The following PLCL2 variants were observed in gnomAD, a reference collection of about 807,000 sequenced individuals.
The protein encoded by PLCL2 is inactive phospholipase C-like protein 2.
A neutral mutation model predicts 79.6 loss-of-function variants in PLCL2; 4 were observed. That is an observed-to-expected ratio of 0.05 (90% CI 0.02 to 0.11). PLCL2 has a LOEUF of 0.11. Among genes scored for constraint, PLCL2 ranks in the 10% least tolerant of loss-of-function variants. The probability of loss-of-function intolerance (pLI) is 1.00; values close to 1 mark genes in which losing one functional copy is unlikely to be tolerated. For missense variants in PLCL2, 895 were observed against 1,291.0 expected (o/e 0.69, Z 4.70); for synonymous variants, 484 against 457.7 (o/e 1.06, Z -0.73).
chr3:16,941,534 G>T (rs893304584), intron 1 of PLCL2, among the ~76,000 whole-genome samples: 2 of 152,156 alleles, frequency 1.3e-5, no homozygotes, highest in Admixed American at 1.3e-4. Context: ...TATGTGCTGT[G>T]AAAATATCCA....
intron 1 of PLCL2, among the ~76,000 whole-genome samples, chr3:16,961,991 G>A (rs1046823298): frequency 6.6e-6 from 1 of 152,112 alleles, no homozygotes; most frequent in Non-Finnish European, 1.5e-5. Flanking sequence ...CTCAGCTCCT[G>A]CCGGGAGGAA....
At chr3:16,957,590 C>A (rs985599482) in intron 1 of PLCL2, among the ~76,000 whole-genome samples, 2 of 152,066 alleles carry the variant, frequency 1.3e-5, no homozygotes, top group Non-Finnish European at 2.9e-5. Context: ...TCCTTGTTAA[C>A]TTTCTGTCTC....
At chr3:16,925,427 A>AT (rs1449806732) in intron 1 of PLCL2, among the ~76,000 whole-genome samples, 2 of 152,036 alleles carry the variant, frequency 1.3e-5, no homozygotes, top group Admixed American at 6.5e-5. Context: ...CATACAATCT[A>AT]TTTTTTAAGG....
intron 1 of PLCL2, among the ~76,000 whole-genome samples, chr3:16,897,711 T>G (rs1696516274): frequency 1.3e-5 from 2 of 152,244 alleles, no homozygotes; most frequent in Non-Finnish European, 2.9e-5. Flanking sequence ...GAGGGTGGGC[T>G]GACATCTGGG....
At chr3:17,000,745 G>A (rs2064200833) in intron 1 of PLCL2, among the ~76,000 whole-genome samples, 1 of 152,028 alleles carries the variant, frequency 6.6e-6, no homozygotes, top group African/African-American at 2.4e-5. Flanking sequence ...TGCTGCAAAT[G>A]ACAGTATTTT....
At chr3:16,987,312 C>T (rs764486542) in intron 1 of PLCL2, among the ~76,000 whole-genome samples, 6 of 152,064 alleles carry the variant, frequency 3.9e-5, no homozygotes, top group Non-Finnish European at 7.3e-5. Context: ...AGAGCAGGCA[C>T]AGCAGCCCCT....
chr3:16,987,428 G>T (rs540233132), intron 1 of PLCL2, among the ~76,000 whole-genome samples: 2 of 152,224 alleles, frequency 1.3e-5, no homozygotes, highest in East Asian at 3.9e-4. Context: ...TTTACTGAAT[G>T]AAAGTCACAA....
chr3:16,892,566 T>C (rs896721484), intron 1 of PLCL2, among the ~76,000 whole-genome samples: 14 of 152,216 alleles, frequency 9.2e-5, no homozygotes, highest in African/African-American at 3.4e-4. Flanking sequence ...TGGTATTCAT[T>C]GGAAGTGCTA....
chr3:17,006,815 C>T (rs1196101716), intron 1 of PLCL2, among the ~76,000 whole-genome samples: 1 of 152,158 alleles, frequency 6.6e-6, no homozygotes, highest in Non-Finnish European at 1.5e-5. Context: ...GCTGCCTGTT[C>T]CACATACATG....
chr3:17,038,965 A>T (rs2064689829), intron 3 of PLCL2, among the ~76,000 whole-genome samples: 3 of 152,188 alleles, frequency 2.0e-5, no homozygotes, highest in African/African-American at 7.2e-5. Context: ...ATAATACCAG[A>T]TTACCTTGAA....
chr3:16,994,882 G>T (rs1020172896), intron 1 of PLCL2, among the ~76,000 whole-genome samples: 3 of 152,172 alleles, frequency 2.0e-5, no homozygotes, highest in African/African-American at 4.8e-5. Flanking sequence ...TTCCCCATTT[G>T]TGGGCTATAC....
chr3:17,034,745 A>G (rs1430682629), intron 3 of PLCL2, among the ~76,000 whole-genome samples: 1 of 152,198 alleles, frequency 6.6e-6, no homozygotes, highest in African/African-American at 2.4e-5. Context: ...CCTTGTTTAT[A>G]TCAGTTAGCC....
chr3:16,896,690 G>A (rs1314398859), intron 1 of PLCL2, among the ~76,000 whole-genome samples: 1 of 152,158 alleles, frequency 6.6e-6, no homozygotes, highest in African/African-American at 2.4e-5. Flanking sequence ...AGAGTTGTTT[G>A]ATCACTGCTA....
rs942160337 is a variant in PLCL2 at position 17,042,914 on chromosome 3, C to T, written c.3059C>T (p.Ala1020Val). The T allele has an allele frequency of 3.1e-6, 5 of 1,612,236 alleles. No homozygotes were observed. In the African/African-American group the frequency reaches 6.7e-5, roughly 22 times the overall value. Reference sequence around the variant, plus strand: ...AAGGCGTTGATTGAAAATGCAGATGCTGTATATGAAAAGATCGTACATTGT... The same window carrying T: ...AAGGCGTTGATTGAAAATGCAGATGTTGTATATGAAAAGATCGTACATTGT... The part of the protein sequence containing the change: ...SLKALIENAD[A>V]VYEKIVHCQK... The change falls in exon 4 of 6, where the codon GCT becomes GTT. Residue 1020 changes from alanine to valine, a missense_variant. Ala to Val is a moderately conservative substitution (Grantham distance 64). This residue lies in a region of PLCL2 where 298 missense variants were observed against 459.6 expected (regional missense o/e 0.65). Coordinates refer to ENST00000615277, the MANE Select transcript of PLCL2 (RefSeq NM_001144382.2).
chr3:16,964,534 C>T (rs2063786282), intron 1 of PLCL2, among the ~76,000 whole-genome samples: 1 of 152,136 alleles, frequency 6.6e-6, no homozygotes, highest in Non-Finnish European at 1.5e-5. Context: ...GGTATATACC[C>T]AGTAATGGGA....
At chr3:16,988,674 C>G (rs2064074703) in intron 1 of PLCL2, among the ~76,000 whole-genome samples, 1 of 152,018 alleles carries the variant, frequency 6.6e-6, no homozygotes, top group African/African-American at 2.4e-5. Flanking sequence ...CCTTCAGGAA[C>G]TACAAATTAT....
At chr3:17,069,169 T>A (rs1045914396) in intron 5 of PLCL2, among the ~76,000 whole-genome samples, 1 of 152,078 alleles carries the variant, frequency 6.6e-6, no homozygotes, top group African/African-American at 2.4e-5. Context: ...AAACCCTTCT[T>A]CATAGTGGAG....
chr3:16,937,039 C>G (rs569628503), intron 1 of PLCL2, among the ~76,000 whole-genome samples: 28 of 152,230 alleles, frequency 1.8e-4, no homozygotes, highest in African/African-American at 5.8e-4. Flanking sequence ...TAGCTGATCT[C>G]TACCCACTAA....
chr3:16,960,647 C>T (rs1260469590), intron 1 of PLCL2, among the ~76,000 whole-genome samples: 4 of 152,192 alleles, frequency 2.6e-5, no homozygotes, highest in South Asian at 2.1e-4. Context: ...TCAAGGACCA[C>T]CAAAATATCT....
Sources: allele counts gnomAD v4.1 joint callset (sites outside exome capture counted in the v4.1 genomes callset), GRCh38; gene constraint gnomAD v4.1.1; regional missense constraint gnomAD v4.1.1; transcripts MANE v1.5; gene names NCBI Gene and HGNC (gene_info 2026-07-23, HGNC 2026-07-21).